ERCC5: variants seen among roughly 807,000 people sequenced by gnomAD.
ERCC5 encodes the protein ERCC excision repair 5, endonuclease.
A neutral mutation model predicts 105.6 loss-of-function variants in ERCC5; 68 were observed. The observed-to-expected ratio is 0.64, with a 90% CI of 0.53 to 0.79. The LOEUF is 0.79. Among genes scored for constraint, ERCC5 ranks in the 30% least tolerant of loss-of-function variants. The pLI is 0.00. For synonymous variants in ERCC5, 546 were observed against 526.2 expected, an observed-to-expected ratio of 1.04 and a Z score of -0.51; for missense variants, 1,373 against 1,426.7, an observed-to-expected ratio of 0.96 and a Z score of 0.61.
chr13:102,860,612 C>T (rs1236782995), intron 6 of ERCC5, among the ~76,000 whole-genome samples: 2 of 152,140 alleles, frequency 1.3e-5, no homozygotes, highest in Non-Finnish European at 2.9e-5. Flanking sequence ...CCAGATCTAC[C>T]ACTTATTAGC....
At chr13:102,873,224 C>T (rs758731631) in intron 13 of ERCC5, 35 bp from the exon 14 acceptor site, 39 of 1,612,604 alleles carry the variant, frequency 2.4e-5, no homozygotes, top group Non-Finnish European at 3.3e-5. Flanking sequence ...GTTTAAATAT[C>T]TTTCAAAATA....
At chr13:102,872,491 T>A (rs1883067607) in intron 13 of ERCC5, 93 bp downstream of exon 13, 1 of 1,442,164 alleles carries the variant, frequency 6.9e-7, no homozygotes, top group African/African-American at 1.4e-5. Context: ...CATTTTTTTC[T>A]TATATCCCGT....
chr13:102,866,510 CTG>C, intron 10 of ERCC5, 120 bp from the exon 11 acceptor site: 1 of 1,600,990 alleles, frequency 6.2e-7, no homozygotes, highest in South Asian at 1.1e-5. Context: ...CTGGGGGTCA[CTG>C]TGTGTCCCTA....
At chr13:102,871,671 T>G (rs1359506222) in intron 12 of ERCC5, among the ~76,000 whole-genome samples, 1 of 152,170 alleles carries the variant, frequency 6.6e-6, no homozygotes, top group Non-Finnish European at 1.5e-5. Flanking sequence ...TATCTGTTTT[T>G]ACAGATTTTT....
At chr13:102,866,405 C>T (rs1341204284) in intron 10 of ERCC5, 24 bp downstream of exon 10, 1 of 1,614,036 alleles carries the variant, frequency 6.2e-7, no homozygotes, top group East Asian at 2.2e-5. Context: ...GCTTGGGTTT[C>T]CTTTACCACC....
At chr13:102,859,146 C>T (rs997328428) in intron 6 of ERCC5, among the ~76,000 whole-genome samples, 2 of 152,150 alleles carry the variant, frequency 1.3e-5, no homozygotes, top group African/African-American at 4.8e-5. Flanking sequence ...GTCTTAGTTG[C>T]CAGTGAGTGA....
intron 14 of ERCC5, 67 bp from the exon 15 acceptor site, chr13:102,875,240 T>C: frequency 6.5e-7 from 1 of 1,543,852 alleles, no homozygotes; most frequent in Non-Finnish European, 8.9e-7. Flanking sequence ...TTGAGCTTGT[T>C]GATTTGGTTT....
At chr13:102,866,590 G>T in intron 10 of ERCC5, 42 bp from the exon 11 acceptor site, 1 of 1,610,122 alleles carries the variant, frequency 6.2e-7, no homozygotes, top group South Asian at 1.1e-5. Context: ...GGGCCTGGCG[G>T]TGCCCTTCCC....
intron 13 of ERCC5, 143 bp from the exon 14 acceptor site, chr13:102,873,115 CT>C: frequency 1.1e-6 from 1 of 870,654 alleles, no homozygotes; most frequent in East Asian, 2.7e-5. Flanking sequence ...TTTGTTAGTA[CT>C]TTCTTTTAGC....
At chr13:102,855,481 C>G (rs1465364369) in intron 4 of ERCC5, among the ~76,000 whole-genome samples, 1 of 152,136 alleles carries the variant, frequency 6.6e-6, no homozygotes, top group East Asian at 1.9e-4. Context: ...GAACTCCTGA[C>G]CTCAAGTGAT....
chr13:102,846,251 A>C lies in ERCC5; in HGVS notation c.-16A>C. ...GTAGAAGTTGTCGGGGTCCGCTCTT[A>C]GGACGCAGCCGCCTCATGGGGGTCC... On this transcript the variant is annotated 5_prime_UTR_variant, in exon 1 of 15. Coordinates refer to ENST00000652225, the MANE Select transcript of ERCC5 (RefSeq NM_000123.4). 2 of 1,610,030 alleles carry C rather than the reference A, an allele frequency of 1.2e-6. No individual in the cohort carries two copies. Among genetic ancestry groups the C allele is most frequent in the Non-Finnish European group, 1.7e-6 (2 of 1,177,670 alleles).
chr13:102,867,890 G>C (rs183630530), intron 11 of ERCC5, among the ~76,000 whole-genome samples: 1 of 152,088 alleles, frequency 6.6e-6, no homozygotes. Context: ...CTAACTTTGG[G>C]GGTCAGCGTA....
At chr13:102,858,801 G>A (rs1882518505) in intron 6 of ERCC5, 1 of 431,674 alleles carries the variant, frequency 2.3e-6, no homozygotes, top group Non-Finnish European at 4.6e-6. Context: ...TCAATTCTTA[G>A]GTTAGGTCAT....
Position 102,872,217 on chromosome 13 carries a change from C to CA in ERCC5, c.2705dup (p.Asn902LysfsTer7), listed in dbSNP as rs759551120. The CA allele has an allele frequency of 4.3e-6, 7 of 1,613,644 alleles. No homozygotes were observed. Among genetic ancestry groups the CA allele is most frequent in the African/African-American group, 4.0e-5 (3 of 74,758 alleles). ...TTACAGAGAATGGTGGCATGAAGCTCAAAAAAATCCAAAGATAAGACCTAA... is the reference window on the plus strand; with the variant it reads ...TTACAGAGAATGGTGGCATGAAGCTCAAAAAAAATCCAAAGATAAGACCTAA... On this transcript the variant is annotated frameshift_variant, in exon 13 of 15. Transcript: ENST00000652225. LOFTEE classifies it high-confidence loss of function.
intron 5 of ERCC5, among the ~76,000 whole-genome samples, chr13:102,857,596 A>G (rs1750140363): frequency 6.6e-6 from 1 of 151,650 alleles, no homozygotes; most frequent in African/African-American, 2.4e-5. Context: ...AAGTTGAGAA[A>G]AGTTTTACAC....
At chr13:102,857,165 T>C (rs1882454877) in intron 5 of ERCC5, among the ~76,000 whole-genome samples, 1 of 152,242 alleles carries the variant, frequency 6.6e-6, no homozygotes, top group Non-Finnish European at 1.5e-5. Flanking sequence ...TATGGTTTTG[T>C]TCTATCAGGT....
At position 102,846,111 on chromosome 13, in the gene ERCC5, C is replaced by A. The variant is rs886049939; in HGVS notation, c.-156C>A. On this transcript the variant is annotated 5_prime_UTR_variant, in exon 1 of 15. Transcript: ENST00000652225. ...TTTAATGCGCTCCCATTAGTGCCGT[C>A]CCCCACTGGAAAACCGTGGCTTCTG... is the stretch of plus-strand genomic sequence containing the variant. The A allele has an allele frequency of 1.6e-4, 99 of 631,502 alleles. No homozygotes were observed. Among genetic ancestry groups the A allele is most frequent in the Non-Finnish European group, 4.8e-5 (17 of 353,658 alleles). 39.1% of individuals were successfully genotyped at this position (631,502 alleles called of 1,614,324 possible).
chr13:102,865,323 A>G lies in ERCC5; in HGVS notation c.1955-344A>G, dbSNP rs570433631. The G allele has an allele frequency of 1.6e-4, 56 of 342,422 alleles. No homozygotes were observed. In the East Asian group the frequency reaches 4.2e-3, roughly 25 times the overall value. The allele number at this position is 342,422 out of a possible 1,614,324, so 21.2% of individuals were successfully genotyped here. Reference sequence around the variant, plus strand: ...CATAAAAACATACTGAGCAACTTCCATGATTGTTTATATACTTTGATAATC... The same window carrying G: ...CATAAAAACATACTGAGCAACTTCCGTGATTGTTTATATACTTTGATAATC... On this transcript the variant is annotated intron_variant, in intron 8 of 14. Transcript: ENST00000652225. This position sits in a 1 kb window ranked among gnomAD's most constrained non-coding sequence, Gnocchi z 4.0.
chr13:102,862,348 A>T lies in ERCC5; in HGVS notation c.1199A>T (p.Asp400Val). 6.2e-7 allele frequency: 1 copy of T among 1,614,184 alleles called. No homozygotes were observed. The highest frequency in any genetic ancestry group is 1.1e-5 in the South Asian group (1 of 91,080). The change falls in exon 8 of 15, where the codon GAT becomes GTT. Residue 400 changes from aspartate (D) to valine (V), a missense_variant. Asp to Val is a radical substitution (Grantham distance 152). This residue lies in a region of ERCC5 where 1,004 missense variants were observed against 1,059.7 expected (regional missense o/e 0.95). Coordinates refer to ENST00000652225, the MANE Select transcript of ERCC5 (RefSeq NM_000123.4). ...AAGAGAGCTCTTGACGATGACGAAG[A>T]TGTAAAAGTGTGTGCTGGGGATGAT... ...AIKRALDDDEDVKVCAGDDVQ... is the reference protein window; with the variant it reads ...AIKRALDDDEVVKVCAGDDVQ...
Sources: gnomAD v4.1 joint callset for allele counts (sites outside exome capture counted in the v4.1 genomes callset) on GRCh38, gnomAD v4.1.1 for gene constraint, gnomAD v4.1.1 regional missense constraint, Gnocchi (gnomAD v3.1) non-coding constraint, MANE v1.5 for transcripts, NCBI Gene and HGNC (gene_info 2026-07-23, HGNC 2026-07-21) for gene names.